MVB12B: variants seen among roughly 807,000 people sequenced by gnomAD.
MVB12B encodes the protein multivesicular body subunit 12B, also known as ESCRT-I complex subunit MVB12B.
A neutral mutation model predicts 41.6 loss-of-function variants in MVB12B; 16 were observed. That is an observed-to-expected ratio of 0.38 (90% CI 0.26 to 0.58). MVB12B has a LOEUF of 0.58. Ranked by LOEUF, MVB12B falls within the 20% of genes least tolerant of loss-of-function variation. The pLI, the probability that MVB12B is intolerant of heterozygous loss-of-function variation, is 0.62. For missense variants in MVB12B, 274 were observed against 380.2 expected (o/e 0.72, Z 2.32); for synonymous variants, 133 against 139.7 (o/e 0.95, Z 0.34).
intron 2 of MVB12B, among the ~76,000 whole-genome samples, chr9:126,341,667 T>C (rs1026674290): frequency 3.3e-5 from 5 of 152,212 alleles, no homozygotes; most frequent in Non-Finnish European, 7.3e-5. Flanking sequence ...AATCCAATAA[T>C]TCTTTGCTAT....
At chr9:126,420,189 G>A (rs1015998057) in intron 6 of MVB12B, among the ~76,000 whole-genome samples, 44 of 152,198 alleles carry the variant, frequency 2.9e-4, no homozygotes, top group African/African-American at 9.4e-4. Context: ...CACATGTCAC[G>A]TTGCACTGTG....
chr9:126,460,205 C>T (rs1456298543), intron 7 of MVB12B, among the ~76,000 whole-genome samples: 1 of 152,132 alleles, frequency 6.6e-6, no homozygotes, highest in Non-Finnish European at 1.5e-5. Context: ...GACAAGGCTC[C>T]GTCACCATGC....
chr9:126,388,964 T>TC (rs1369982468), intron 4 of MVB12B, among the ~76,000 whole-genome samples: 7 of 152,266 alleles, frequency 4.6e-5, no homozygotes, highest in Non-Finnish European at 8.8e-5. Context: ...GTTTTTATAT[T>TC]GATGTGCTGT....
chr9:126,483,221 G>A (rs1316501004), intron 8 of MVB12B, among the ~76,000 whole-genome samples: 5 of 152,222 alleles, frequency 3.3e-5, no homozygotes, highest in African/African-American at 1.2e-4. Context: ...CACATGGACT[G>A]GACGCCCTCT....
chr9:126,346,132 C>T (rs1323246196), intron 2 of MVB12B, among the ~76,000 whole-genome samples: 2 of 152,110 alleles, frequency 1.3e-5, no homozygotes, highest in East Asian at 3.9e-4. Flanking sequence ...GGCTCTTAGA[C>T]AGATGTGTGT....
chr9:126,330,850 T>C (rs1829110505), intron 1 of MVB12B, among the ~76,000 whole-genome samples: 1 of 152,142 alleles, frequency 6.6e-6, no homozygotes, highest in East Asian at 1.9e-4. Flanking sequence ...GTGATCCTAG[T>C]GGATCATACA....
intron 7 of MVB12B, among the ~76,000 whole-genome samples, chr9:126,422,724 A>G (rs1285140206): frequency 6.6e-6 from 1 of 152,228 alleles, no homozygotes; most frequent in Admixed American, 6.5e-5. Context: ...GCATTCATTC[A>G]TGTTCCATAA....
intron 7 of MVB12B, among the ~76,000 whole-genome samples, chr9:126,432,563 T>A (rs1832358357): frequency 1.3e-5 from 2 of 152,246 alleles, no homozygotes; most frequent in Admixed American, 1.3e-4. Flanking sequence ...ATACCCAGCC[T>A]TCCTCTTACT....
rs1831094724 is a variant in MVB12B at position 126,395,738 on chromosome 9, T to A, written c.662+41T>A. ...GGTGTCTTGCGTTGTCCTGTGGTCT[T>A]AGGTCCCTGCACAACATTTTAGAAC... On this transcript the variant is annotated intron_variant, in intron 6 of 9. Coordinates refer to ENST00000361171, the MANE Select transcript of MVB12B (RefSeq NM_033446.3). This position sits in a 1 kb window ranked among gnomAD's most constrained non-coding sequence, Gnocchi z 4.9. 1 of 1,611,156 alleles carries A rather than the reference T, an allele frequency of 6.2e-7. No individual in the cohort carries two copies. The highest frequency in any genetic ancestry group is 1.7e-5 in the Admixed American group (1 of 59,642).
chr9:126,374,963 G>T (rs915086885), intron 2 of MVB12B, among the ~76,000 whole-genome samples: 12 of 152,126 alleles, frequency 7.9e-5, no homozygotes, highest in Non-Finnish European at 1.5e-5. Context: ...AAATATAGCA[G>T]CCCCTGCCCT....
chr9:126,344,845 G>C (rs1181086248), intron 2 of MVB12B, among the ~76,000 whole-genome samples: 2 of 152,338 alleles, frequency 1.3e-5, no homozygotes, highest in East Asian at 3.9e-4. Flanking sequence ...GAGGGAGAGT[G>C]AGCAGGAGGG....
rs1283446152 is a variant in MVB12B at position 126,503,522 on chromosome 9, CTG to C, written c.*264_*265del. The C allele has an allele frequency of 5.7e-6, 3 of 527,068 alleles. No homozygotes were observed. Among genetic ancestry groups the C allele is most frequent in the Non-Finnish European group, 1.0e-5 (3 of 296,680 alleles). The allele number at this position is 527,068 out of a possible 1,614,324, so 32.6% of individuals were successfully genotyped here. A position where few individuals can be genotyped will look rare whatever the true frequency, so the allele number is the denominator to read the frequency against. On this transcript the variant is annotated 3_prime_UTR_variant, in exon 10 of 10. Coordinates refer to ENST00000361171, the MANE Select transcript of MVB12B (RefSeq NM_033446.3). ...TAGTGACCAGCGGCTCCTAACGTGT[CTG>C]TGTGATGACCAGTTGTCCTCCAAAA...
chr9:126,399,430 C>T (rs1831208234), intron 6 of MVB12B, among the ~76,000 whole-genome samples: 1 of 152,152 alleles, frequency 6.6e-6, no homozygotes, highest in African/African-American at 2.4e-5. Flanking sequence ...GGGCTGGGCC[C>T]AGCTTTGTGA....
At chr9:126,450,768 C>T (rs1832873886) in intron 7 of MVB12B, among the ~76,000 whole-genome samples, 1 of 152,182 alleles carries the variant, frequency 6.6e-6, no homozygotes, top group Non-Finnish European at 1.5e-5. Context: ...GTCAACTTGC[C>T]CAATCACACA....
Position 126,472,093 on chromosome 9 carries a change from G to A in MVB12B, c.758-9276G>A, listed in dbSNP as rs144494987. Among the ~76,000 whole-genome samples, 663 of 152,148 alleles carry A rather than the reference G, an allele frequency of 4.4e-3. 1 individual carries two copies. Among genetic ancestry groups the A allele is most frequent in the Non-Finnish European group, 6.2e-3 (422 of 68,020 alleles). ...CCTCACCCCTGCTGTGTATTGAGAC[G>A]TTGGGGAGGGATAAGGGTTGGCGGC... On this transcript the variant is annotated intron_variant, in intron 7 of 9. Coordinates refer to ENST00000361171, the MANE Select transcript of MVB12B (RefSeq NM_033446.3).
chr9:126,445,303 G>T (rs1479917883), intron 7 of MVB12B, among the ~76,000 whole-genome samples: 1 of 152,004 alleles, frequency 6.6e-6, no homozygotes, highest in East Asian at 1.9e-4. Flanking sequence ...TGTTGGTTTT[G>T]GTTTTTGTTT....
Position 126,468,084 on chromosome 9 carries a change from T to A in MVB12B, c.758-13285T>A, listed in dbSNP as rs1833234226. Among the ~76,000 whole-genome samples the A allele has an allele frequency of 6.6e-6, 1 of 152,258 alleles. No homozygotes were observed. Among genetic ancestry groups the A allele is most frequent in the Admixed American group, 6.5e-5 (1 of 15,290 alleles). On this transcript the variant is annotated intron_variant, in intron 7 of 9. Transcript: ENST00000361171. This position sits in a 1 kb window ranked among gnomAD's most constrained non-coding sequence, Gnocchi z 4.3. ...GACTTTATAATGATACATCTGATTT[T>A]GATCCAATATCACAGAGTACATTCT...
chr9:126,331,492 A>G lies in MVB12B; in HGVS notation c.81+4482A>G, dbSNP rs117254957. Among the ~76,000 whole-genome samples the G allele has an allele frequency of 8.7e-3, 1,318 of 152,146 alleles. 53 individuals carry two copies. In the South Asian group the frequency reaches 0.094, roughly 11 times the overall value. On this transcript the variant is annotated intron_variant, in intron 1 of 9. Coordinates refer to ENST00000361171, the MANE Select transcript of MVB12B (RefSeq NM_033446.3). ...TGTTTTTTTGTTGTTGATTTGTAGGAGTTTTTTATAGATCCACATATTAAC... is the reference window on the plus strand; with the variant it reads ...TGTTTTTTTGTTGTTGATTTGTAGGGGTTTTTTATAGATCCACATATTAAC...
At chr9:126,366,897 G>A (rs563817400) in intron 2 of MVB12B, among the ~76,000 whole-genome samples, 5 of 152,204 alleles carry the variant, frequency 3.3e-5, no homozygotes, top group African/African-American at 9.6e-5. Flanking sequence ...AATCGTGACC[G>A]GCTGACACCT....
Sources: allele counts gnomAD v4.1 joint callset (sites outside exome capture counted in the v4.1 genomes callset), GRCh38; gene constraint gnomAD v4.1.1; non-coding constraint Gnocchi (gnomAD v3.1); transcripts MANE v1.5; gene names NCBI Gene and HGNC (gene_info 2026-07-23, HGNC 2026-07-21).